Variants in NTRK3 observed in about 807,000 individuals in gnomAD.
The protein encoded by NTRK3 is neurotrophic receptor tyrosine kinase 3.
NTRK3 carries 24 observed loss-of-function variants against 91.7 expected under a neutral mutation model. The ratio of observed to expected loss-of-function variants is 0.26; its 90% CI spans 0.19 to 0.37. The LOEUF (loss-of-function observed/expected upper bound fraction) is 0.37, where lower values mean the gene tolerates loss of function less well. NTRK3 is among the 10% of genes least tolerant of loss of function. NTRK3 has a pLI of 1.00. For missense variants in NTRK3, 880 were observed against 1,068.9 expected (o/e 0.82, Z 2.46); for synonymous variants, 483 against 404.0 (o/e 1.20, Z -2.34).
chr15:88,077,131 G>T (rs1341744837), intron 13 of NTRK3, among the ~76,000 whole-genome samples: 1 of 152,012 alleles, frequency 6.6e-6, no homozygotes, highest in Non-Finnish European at 1.5e-5. Flanking sequence ...GGATGAAACT[G>T]CATTTCTCCA....
At chr15:88,251,355 G>C (rs2053343683) in intron 3 of NTRK3, among the ~76,000 whole-genome samples, 1 of 152,244 alleles carries the variant, frequency 6.6e-6, no homozygotes, top group Non-Finnish European at 1.5e-5. Flanking sequence ...CAAGTTGGAA[G>C]AAACACTCTG....
chr15:88,061,905 G>A (rs948056685), intron 13 of NTRK3, among the ~76,000 whole-genome samples: 5 of 152,250 alleles, frequency 3.3e-5, no homozygotes, highest in African/African-American at 1.2e-4. Flanking sequence ...TCCATCAAAC[G>A]GGGGTAATAA....
chr15:88,033,947 G>A (rs1421953004), intron 13 of NTRK3, among the ~76,000 whole-genome samples: 1 of 152,140 alleles, frequency 6.6e-6, no homozygotes, highest in African/African-American at 2.4e-5. Flanking sequence ...CATCCCCAGA[G>A]GTTCTGATTC....
intron 3 of NTRK3, among the ~76,000 whole-genome samples, chr15:88,216,373 T>C (rs1006780386): frequency 1.3e-5 from 2 of 152,124 alleles, no homozygotes; most frequent in Non-Finnish European, 2.9e-5. Flanking sequence ...CCTAGGTACT[T>C]CTCCTGGCTC....
Position 88,012,437 on chromosome 15 carries a change from C to T in NTRK3, c.1585+20420G>A, listed in dbSNP as rs192245840. Among the ~76,000 whole-genome samples, 455 of 152,292 alleles carry T rather than the reference C, an allele frequency of 3.0e-3. 2 individuals are homozygous for T. The highest frequency in any genetic ancestry group is 9.9e-3 in the African/African-American group (410 of 41,544). ...CTTCTCACTCAGGACACTCTGACCC[C>T]GAGCTTTGGCAAACTTGCCCATTTG... is the stretch of plus-strand genomic sequence containing the variant. On this transcript the variant is annotated intron_variant, in intron 14 of 18. Coordinates refer to ENST00000394480, the Ensembl canonical transcript of NTRK3.
chr15:88,109,636 G>T (rs943079182), intron 13 of NTRK3, among the ~76,000 whole-genome samples: 1 of 152,146 alleles, frequency 6.6e-6, no homozygotes, highest in Non-Finnish European at 1.5e-5. Flanking sequence ...GAGGTGGGGG[G>T]CTGGGCGGGG....
intron 14 of NTRK3, among the ~76,000 whole-genome samples, chr15:87,969,784 C>A (rs1308373231): frequency 6.6e-6 from 1 of 152,166 alleles, no homozygotes; most frequent in Admixed American, 6.5e-5. Flanking sequence ...TTAGGCAGAG[C>A]TGCCTTCTTG....
At chr15:88,147,240 G>A in intron 6 of NTRK3, 95 bp downstream of exon 6, 2 of 1,157,258 alleles carry the variant, frequency 1.7e-6, no homozygotes, top group Admixed American at 3.6e-5. Flanking sequence ...GTAGATGTAT[G>A]CTCAGCCTTC....
At chr15:87,947,001 C>T (rs1454203391) in intron 14 of NTRK3, among the ~76,000 whole-genome samples, 1 of 151,278 alleles carries the variant, frequency 6.6e-6, no homozygotes, top group Non-Finnish European at 1.5e-5. Context: ...GCCTCAGACT[C>T]CCGAGTATCT....
chr15:87,943,323 C>A (rs2070095676), intron 14 of NTRK3, among the ~76,000 whole-genome samples: 4 of 152,038 alleles, frequency 2.6e-5, no homozygotes, highest in Admixed American at 2.6e-4. Flanking sequence ...CTTCCAGAAG[C>A]CCAGGAGAAG....
intron 14 of NTRK3, among the ~76,000 whole-genome samples, chr15:87,966,520 G>A (rs1030244805): frequency 6.6e-6 from 1 of 152,160 alleles, no homozygotes; most frequent in Non-Finnish European, 1.5e-5. Flanking sequence ...CACTGAGCCT[G>A]CAACTCCATC....
intron 14 of NTRK3, among the ~76,000 whole-genome samples, chr15:88,012,438 G>A (rs1472508487): frequency 6.6e-6 from 1 of 152,178 alleles, no homozygotes; most frequent in African/African-American, 2.4e-5. Flanking sequence ...CTCTGACCCC[G>A]AGCTTTGGCA....
chr15:87,950,050 G>T (rs1353231394), intron 14 of NTRK3, among the ~76,000 whole-genome samples: 1 of 152,112 alleles, frequency 6.6e-6, no homozygotes, highest in Admixed American at 6.5e-5. Context: ...TACTACCCAG[G>T]AATGCTGCCT....
intron 14 of NTRK3, among the ~76,000 whole-genome samples, chr15:88,031,068 A>T (rs1156604877): frequency 6.6e-6 from 1 of 152,230 alleles, no homozygotes; most frequent in Non-Finnish European, 1.5e-5. Context: ...GAAGAGTGAC[A>T]GTGGCCATGG....
chr15:88,098,175 G>C (rs1041294779), intron 13 of NTRK3, among the ~76,000 whole-genome samples: 1 of 152,202 alleles, frequency 6.6e-6, no homozygotes, highest in African/African-American at 2.4e-5. Context: ...TGGACTTTGA[G>C]CACGGAAGAG....
At chr15:87,886,181 G>A (rs1454088740) in intron 17 of NTRK3, among the ~76,000 whole-genome samples, 2 of 152,006 alleles carry the variant, frequency 1.3e-5, no homozygotes, top group African/African-American at 4.8e-5. Context: ...TGTTTGAGAG[G>A]GGTGAGGAAA....
chr15:87,978,240 G>A (rs935166136), intron 14 of NTRK3: 5 of 230,994 alleles, frequency 2.2e-5, no homozygotes, highest in African/African-American at 1.1e-4. Flanking sequence ...CTTTGGGAGA[G>A]GGTGGCCATG....
At chr15:88,131,505 C>T (rs1339603603) in intron 10 of NTRK3, among the ~76,000 whole-genome samples, 3 of 152,138 alleles carry the variant, frequency 2.0e-5, no homozygotes, top group African/African-American at 7.2e-5. Context: ...GTGCCAACAC[C>T]CTCTTCTCAA....
intron 14 of NTRK3, among the ~76,000 whole-genome samples, chr15:88,016,956 T>TTA (rs1555466572): frequency 1.2e-5 from 1 of 84,316 alleles, no homozygotes; most frequent in African/African-American, 4.9e-5. Context: ...AGACGAAGCT[T>TTA]AAAAAAAAAA....
Sources: gnomAD v4.1 joint callset for allele counts (sites outside exome capture counted in the v4.1 genomes callset) on GRCh38, gnomAD v4.1.1 for gene constraint, MANE v1.5 for transcripts, NCBI Gene and HGNC (gene_info 2026-07-23, HGNC 2026-07-21) for gene names.